The following NFIL3 variants were observed in gnomAD, a reference collection of about 807,000 sequenced individuals.
NFIL3 encodes nuclear factor, interleukin 3 regulated, also known as nuclear factor interleukin-3-regulated protein.
A neutral mutation model predicts 10.0 loss-of-function variants in NFIL3; 5 were observed. The ratio of observed to expected loss-of-function variants is 0.50; its 90% CI spans 0.26 to 1.06. The LOEUF is 1.06. Among genes scored for constraint, NFIL3 ranks in the 50% least tolerant of loss-of-function variants. The pLI is 0.13. For synonymous variants in NFIL3, 202 were observed against 206.5 expected, an observed-to-expected ratio of 0.98 and a Z score of 0.19; for missense variants, 436 against 547.6, an observed-to-expected ratio of 0.80 and a Z score of 2.03.
intron 1 of NFIL3, among the ~76,000 whole-genome samples, chr9:91,413,445 T>A (rs527255176): frequency 6.6e-6 from 1 of 151,966 alleles, no homozygotes; most frequent in Non-Finnish European, 1.5e-5. Flanking sequence ...GAGACGGGAT[T>A]TTACCATGTT....
At chr9:91,431,401 GAAT>G in the NFIL3 span, among the ~76,000 whole-genome samples, 4 of 152,212 alleles carry the variant, frequency 2.6e-5, no homozygotes, top group Middle Eastern at 3.4e-3. Context: ...TACACAGTAA[GAAT>G]AATAACAAAT....
chr9:91,472,040 C>A, the NFIL3 span, among the ~76,000 whole-genome samples: 1 of 152,242 alleles, frequency 6.6e-6, no homozygotes, highest in African/African-American at 2.4e-5. Context: ...CCCCCACTCT[C>A]TTCTGACTTG....
rs180717453 is a variant in NFIL3 at position 91,415,730 on chromosome 9, C to A, written c.-172-4824G>T. Among the ~76,000 whole-genome samples the A allele has an allele frequency of 1.5e-3, 225 of 152,026 alleles. 2 individuals carry two copies. The highest frequency in any genetic ancestry group is 5.0e-3 in the African/African-American group (206 of 41,438). On this transcript the variant is annotated intron_variant, in intron 1 of 1. Transcript: ENST00000297689. ...ACAACTTCCACCTCCTGGGTTCAAG[C>A]GATTCTCCTGCCTCAGCCTCCCAAG... is the stretch of plus-strand genomic sequence containing the variant.
At chr9:91,478,409 T>C in the NFIL3 span, among the ~76,000 whole-genome samples, 1 of 152,012 alleles carries the variant, frequency 6.6e-6, no homozygotes, top group Non-Finnish European at 1.5e-5. Context: ...TGATCTTTAA[T>C]CTCTGATATC....
At chr9:91,453,491 TA>T in the NFIL3 span, among the ~76,000 whole-genome samples, 1 of 152,132 alleles carries the variant, frequency 6.6e-6, no homozygotes, top group Non-Finnish European at 1.5e-5. Context: ...ATTTAAAAAC[TA>T]ACTTTATTTC....
chr9:91,442,418 C>T, the NFIL3 span, among the ~76,000 whole-genome samples: 9 of 152,308 alleles, frequency 5.9e-5, no homozygotes, highest in East Asian at 1.7e-3. Flanking sequence ...CCTCTGTGGT[C>T]AGCAGTGTCC....
Position 91,410,558 on chromosome 9 carries a change from T to C in NFIL3, c.177A>G (p.Ala59=). The change falls in exon 2 of 2, where the codon GCA becomes GCG. Residue 59 remains alanine, a synonymous_variant. Coordinates refer to ENST00000297689, the MANE Select transcript of NFIL3 (RefSeq NM_005384.3). This position sits in a 1 kb window ranked among gnomAD's most constrained non-coding sequence, Gnocchi z 5.7. ...EGSVGKNKSS[A]CRRKREFIPD... is the part of the protein sequence containing the mutation. ...GAATGAATTCCCGTTTCCTCCGACATGCAGAAGATTTGTTCTTCCCCACAC... is the reference window on the plus strand; with the variant it reads ...GAATGAATTCCCGTTTCCTCCGACACGCAGAAGATTTGTTCTTCCCCACAC... The C allele has an allele frequency of 6.2e-7, 1 of 1,614,218 alleles. No homozygotes were observed. Among genetic ancestry groups the C allele is most frequent in the Non-Finnish European group, 8.5e-7 (1 of 1,180,032 alleles).
At chr9:91,439,490 G>T in the NFIL3 span, among the ~76,000 whole-genome samples, 3 of 147,142 alleles carry the variant, frequency 2.0e-5, no homozygotes, top group Non-Finnish European at 4.5e-5. Flanking sequence ...CTTTCTAATT[G>T]CCTTTTATTT....
upstream of NFIL3, among the ~76,000 whole-genome samples, chr9:91,424,368 G>A (rs958655633): frequency 1.3e-5 from 2 of 152,064 alleles, no homozygotes; most frequent in Non-Finnish European, 2.9e-5. Flanking sequence ...CCCGGACCTC[G>A]GCCTCCCCTT....
the NFIL3 span, among the ~76,000 whole-genome samples, chr9:91,478,383 C>T: frequency 6.6e-6 from 1 of 151,958 alleles, no homozygotes; most frequent in African/African-American, 2.4e-5. Flanking sequence ...TGTCTTCTCG[C>T]TTTATTTCAT....
chr9:91,468,552 T>C, the NFIL3 span, among the ~76,000 whole-genome samples: 4 of 152,186 alleles, frequency 2.6e-5, no homozygotes, highest in Admixed American at 6.5e-5. Flanking sequence ...TTAGATCCCA[T>C]TTATCTATTT....
chr9:91,455,340 C>A, the NFIL3 span, among the ~76,000 whole-genome samples: 2 of 152,164 alleles, frequency 1.3e-5, no homozygotes, highest in African/African-American at 2.4e-5. Flanking sequence ...TTTCCTTCTG[C>A]ATTTATTACT....
At chr9:91,429,038 A>G in the NFIL3 span, among the ~76,000 whole-genome samples, 1 of 152,264 alleles carries the variant, frequency 6.6e-6, no homozygotes, top group Non-Finnish European at 1.5e-5. Context: ...GAACACAGCT[A>G]GCAGGGCTAT....
chr9:91,475,070 T>C, the NFIL3 span, among the ~76,000 whole-genome samples: 1 of 152,228 alleles, frequency 6.6e-6, no homozygotes, highest in African/African-American at 2.4e-5. Context: ...CTGTGACTGA[T>C]AGTTGAATGC....
At chr9:91,478,856 T>C in the NFIL3 span, among the ~76,000 whole-genome samples, 1 of 152,224 alleles carries the variant, frequency 6.6e-6, no homozygotes, top group South Asian at 2.1e-4. Flanking sequence ...TTGATGTTGA[T>C]GCTATTCCTT....
At chr9:91,418,989 T>G (rs1833710136) in intron 1 of NFIL3, among the ~76,000 whole-genome samples, 1 of 152,238 alleles carries the variant, frequency 6.6e-6, no homozygotes, top group African/African-American at 2.4e-5. Context: ...TCAACGTCTT[T>G]CAACATTCTC....
At chr9:91,479,384 C>A in the NFIL3 span, among the ~76,000 whole-genome samples, 1 of 152,204 alleles carries the variant, frequency 6.6e-6, no homozygotes, top group African/African-American at 2.4e-5. Context: ...GCTACAGAGG[C>A]TTTGCCGAGC....
At chr9:91,460,268 G>GTTTTTTTTTTTTTTTTTTT in the NFIL3 span, among the ~76,000 whole-genome samples, 30 of 77,092 alleles carry the variant, frequency 3.9e-4, no homozygotes, top group African/African-American at 2.7e-3. Context: ...GGAGGGCTTG[G>GTTTTTTTTTTTTTTTTTTT]TTCTTTTTTT....
the NFIL3 span, among the ~76,000 whole-genome samples, chr9:91,428,876 G>C: frequency 9.2e-5 from 14 of 152,204 alleles, no homozygotes; most frequent in African/African-American, 3.4e-4. Context: ...ATGTGAGTAA[G>C]AGTGCCAAAA....
Sources: allele counts gnomAD v4.1 joint callset (sites outside exome capture counted in the v4.1 genomes callset), GRCh38; gene constraint gnomAD v4.1.1; non-coding constraint Gnocchi (gnomAD v3.1); transcripts MANE v1.5; gene names NCBI Gene and HGNC (gene_info 2026-07-23, HGNC 2026-07-21).